Variants in ANK2 observed in about 807,000 individuals in gnomAD.
ANK2 encodes ankyrin-2.
ANK2 carries 83 observed loss-of-function variants against 360.5 expected under a neutral mutation model. The ratio of observed to expected loss-of-function variants is 0.23; its 90% CI spans 0.19 to 0.28. The LOEUF (loss-of-function observed/expected upper bound fraction) is 0.28, where lower values mean the gene tolerates loss of function less well. ANK2 is among the 10% of genes least tolerant of loss of function. The pLI is 1.00. For synonymous variants in ANK2, 1,740 were observed against 1,759.5 expected (o/e 0.99, Z 0.28); for missense variants, 4,201 against 4,795.7 (o/e 0.88, Z 3.66).
chr4:112,966,477 A>C (rs924332370), intron 2 of ANK2, among the ~76,000 whole-genome samples: 4 of 151,980 alleles, frequency 2.6e-5, no homozygotes, highest in African/African-American at 9.7e-5. Flanking sequence ...GTGTATACAC[A>C]TACTTTTTAA....
chr4:112,753,598 C>T, the ANK2 span, among the ~76,000 whole-genome samples: 5 of 152,056 alleles, frequency 3.3e-5, no homozygotes, highest in African/African-American at 7.2e-5. Context: ...TCATAAAGAC[C>T]GTGCTGATAA....
At position 113,079,324 on chromosome 4, in the gene ANK2, G is replaced by A. The variant is rs572312469; in HGVS notation, c.84+29512G>A. On this transcript the variant is annotated intron_variant, in intron 1 of 45. Coordinates refer to ENST00000357077, the MANE Select transcript of ANK2 (RefSeq NM_001148.6). ...CTTGAGATTCTAACCTACATGAACT[G>A]GGAGCAATTTTCAGTGTTGTTTTGT... Among the ~76,000 whole-genome samples, 5 of 152,250 alleles carry A rather than the reference G, an allele frequency of 3.3e-5. No individual in the cohort carries two copies. The South Asian group carries it at 1.0e-3, about 32-fold the overall frequency.
the ANK2 span, among the ~76,000 whole-genome samples, chr4:112,718,042 T>A: frequency 6.6e-6 from 1 of 152,262 alleles, no homozygotes; most frequent in African/African-American, 2.4e-5. Context: ...CATCCACTTC[T>A]AAACATTTGC....
chr4:113,245,794 T>G (rs2042539310), intron 9 of ANK2, among the ~76,000 whole-genome samples: 1 of 152,130 alleles, frequency 6.6e-6, no homozygotes, highest in Admixed American at 6.5e-5. Context: ...TAATAAAGCT[T>G]CTACATATGA....
intron 1 of ANK2, among the ~76,000 whole-genome samples, chr4:113,162,966 C>T (rs528800621): frequency 1.5e-3 from 226 of 152,080 alleles, no homozygotes; most frequent in African/African-American, 5.2e-3. Context: ...GATTTATTTT[C>T]GCTTGAGAAA....
intron 2 of ANK2, among the ~76,000 whole-genome samples, chr4:112,973,881 G>T (rs771927889): frequency 6.6e-6 from 1 of 152,104 alleles, no homozygotes; most frequent in Non-Finnish European, 1.5e-5. Flanking sequence ...GGAAAGTAAG[G>T]AATGTTTTAT....
In ANK2 at chr4:113,358,788, T is replaced by C. The variant is rs775958800; in HGVS notation, c.10170T>C (p.Ser3390=). Residue 3390 remains serine (S), a synonymous_variant, in exon 38 of 46, where the codon TCT becomes TCC. Transcript: ENST00000357077. The stretch of plus-strand genomic sequence containing the variant: ...TCGCACCAGATAATAGAAGCAAATC[T>C]GAATCTGATGCTAGTTCTTTGGATT... ...ASIAPDNRSK[S]ESDASSLDSK... The C allele has an allele frequency of 1.9e-6, 3 of 1,614,102 alleles. No homozygotes were observed. The highest frequency in any genetic ancestry group is 2.2e-5 in the South Asian group (2 of 91,084).
chr4:113,070,737 T>A (rs916393015), intron 1 of ANK2, among the ~76,000 whole-genome samples: 6 of 152,142 alleles, frequency 3.9e-5, no homozygotes, highest in Admixed American at 3.9e-4. Context: ...CCTTATTCCC[T>A]TGTGTGACTT....
At chr4:112,862,565 A>T (rs1560835475) in intron 1 of ANK2, among the ~76,000 whole-genome samples, 1 of 152,196 alleles carries the variant, frequency 6.6e-6, no homozygotes, top group East Asian at 1.9e-4. Context: ...TAGTGAAAAA[A>T]AAGTTTATAG....
chr4:112,711,928 C>T, the ANK2 span, among the ~76,000 whole-genome samples: 1 of 150,474 alleles, frequency 6.6e-6, no homozygotes, highest in East Asian at 1.9e-4. Flanking sequence ...ATCCTCTTGC[C>T]TTAGCTACTC....
the ANK2 span, among the ~76,000 whole-genome samples, chr4:112,730,020 A>G: frequency 6.6e-6 from 1 of 152,070 alleles, no homozygotes; most frequent in African/African-American, 2.4e-5. Context: ...AAGGATTGGG[A>G]AGATGTTAGA....
intron 1 of ANK2, among the ~76,000 whole-genome samples, chr4:113,122,062 T>C (rs1399771468): frequency 6.6e-6 from 1 of 152,192 alleles, no homozygotes; most frequent in Non-Finnish European, 1.5e-5. Flanking sequence ...TCTATAACTT[T>C]GGAATTGTGT....
chr4:112,760,335 T>C, the ANK2 span, among the ~76,000 whole-genome samples: 3 of 152,024 alleles, frequency 2.0e-5, no homozygotes, highest in South Asian at 2.1e-4. Flanking sequence ...TACAGGCGCC[T>C]GCTACCACGC....
chr4:113,148,329 T>G (rs2096910826), intron 1 of ANK2, among the ~76,000 whole-genome samples: 2 of 152,206 alleles, frequency 1.3e-5, no homozygotes, highest in Non-Finnish European at 2.9e-5. Context: ...TTAATTTGCT[T>G]TGTCCCAAGA....
intron 45 of ANK2, among the ~76,000 whole-genome samples, chr4:113,376,915 C>T (rs1463733207): frequency 2.0e-5 from 3 of 150,308 alleles, no homozygotes; most frequent in Non-Finnish European, 4.4e-5. Flanking sequence ...ACATATTGTC[C>T]CACTGGAAGG....
rs140380078 is a variant in ANK2 at position 112,836,890 on chromosome 4, G to A, written c.-40+18626G>A. 2.1e-3 allele frequency among the ~76,000 whole-genome samples: 316 copies of A among 152,328 alleles called. 1 individual carries two copies. The highest frequency in any genetic ancestry group is 7.3e-3 in the African/African-American group (302 of 41,574). ...TTTAAAAGGGAAACAGAGCATAAAA[G>A]TTTGGAAAATTTGTTGCCTGACCAT... On this transcript the variant is annotated intron_variant, in intron 1 of 30. Transcript: ENST00000503271.
chr4:113,049,784 G>T lies in ANK2; in HGVS notation c.56G>T (p.Ser19Ile), dbSNP rs369260005. Residue 19 changes from serine (S) to isoleucine (I), a missense_variant, in exon 1 of 46, where the codon AGT (serine) becomes ATT (isoleucine). Transcript: ENST00000357077. ...KSDSGEKFNGSSQRRKRPKKS... is the reference protein window; with the variant it reads ...KSDSGEKFNGISQRRKRPKKS... ...GACAGTGGAGAGAAGTTCAACGGCAGTAGTCAGAGGAGAAAAAGACCCAAG... is the reference window on the plus strand; with the variant it reads ...GACAGTGGAGAGAAGTTCAACGGCATTAGTCAGAGGAGAAAAAGACCCAAG... 6.2e-7 allele frequency: 1 copy of T among 1,613,782 alleles called. No homozygotes were observed. The highest frequency in any genetic ancestry group is 1.1e-5 in the South Asian group (1 of 91,070).
chr4:112,740,831 A>T, the ANK2 span, among the ~76,000 whole-genome samples: 1 of 152,074 alleles, frequency 6.6e-6, no homozygotes, highest in East Asian at 1.9e-4. Context: ...CTCTACTAAA[A>T]AATACTAAAT....
In ANK2 at chr4:113,250,758, C is replaced by CCCA. The variant is rs796236106; in HGVS notation, c.990+898_990+899insACC. Among the ~76,000 whole-genome samples the CCCA allele has an allele frequency of 3.8e-5, 5 of 132,276 alleles. 1 individual carries two copies. Among genetic ancestry groups the CCCA allele is most frequent in the African/African-American group, 8.0e-5 (3 of 37,464 alleles). 86.8% of individuals were successfully genotyped at this position (132,276 alleles called of 152,430 possible). ...TTCCATTCCACCTCATACCACCGCC[C>CCCA]CCCCCCCCGACAGAGTTGGTATCAA... On this transcript the variant is annotated intron_variant, in intron 10 of 45. Transcript: ENST00000357077.
Sources: allele counts gnomAD v4.1 joint callset (sites outside exome capture counted in the v4.1 genomes callset), GRCh38; gene constraint gnomAD v4.1.1; transcripts MANE v1.5; gene names NCBI Gene and HGNC (gene_info 2026-07-23, HGNC 2026-07-21).